The following IL1RAPL1 variants were observed in gnomAD, a reference collection of about 807,000 sequenced individuals.
IL1RAPL1 encodes interleukin-1 receptor accessory protein-like 1.
In IL1RAPL1, 3 loss-of-function variants were observed where a neutral mutation model predicts 48.4. That is an observed-to-expected ratio of 0.06 (90% CI 0.03 to 0.16). The LOEUF (loss-of-function observed/expected upper bound fraction) is 0.16. Ranked by LOEUF, IL1RAPL1 falls within the 10% of genes least tolerant of loss-of-function variation. IL1RAPL1 has a pLI of 1.00. For synonymous variants in IL1RAPL1, 185 were observed against 187.7 expected, an observed-to-expected ratio of 0.99 and a Z score of 0.12; for missense variants, 349 against 530.6, an observed-to-expected ratio of 0.66 and a Z score of 3.36.
At chrX:29,901,367 A>G (rs1456120608) in intron 6 of IL1RAPL1, among the ~76,000 whole-genome samples, 5 of 112,027 alleles carry the variant, frequency 4.5e-5, no homozygotes, top group Non-Finnish European at 9.4e-5. Context: ...CTCAAGAGGT[A>G]TCAGCCAGGG....
rs926343804 is a variant in IL1RAPL1, at chrX:28,764,167, T to C, written c.-24-25153T>C. The stretch of plus-strand genomic sequence containing the variant: ...TAGAGTTAATGGGAAGAAAGAAAAA[T>C]AATTATTTAATATAAATAACAAATA... On this transcript the variant is annotated intron_variant, in intron 1 of 10. Coordinates refer to ENST00000378993, the MANE Select transcript of IL1RAPL1 (RefSeq NM_014271.4). Among the ~76,000 whole-genome samples, 4 of 111,407 alleles carry C rather than the reference T, an allele frequency of 3.6e-5. No individual in the cohort carries two copies. In the Admixed American group the frequency reaches 3.8e-4, roughly 11 times the overall value.
Position 29,529,599 on chromosome X carries a change from C to CAA in IL1RAPL1, c.703+130306_703+130307dup, listed in dbSNP as rs59465203. 3.1e-3 allele frequency among the ~76,000 whole-genome samples: 237 copies of CAA among 77,525 alleles called. 2 individuals are homozygous for CAA. Among genetic ancestry groups the CAA allele is most frequent in the Non-Finnish European group, 4.4e-3 (174 of 39,395 alleles). 67.3% of individuals were successfully genotyped at this position (77,525 alleles called of 115,157 possible). A position where few individuals can be genotyped will look rare whatever the true frequency, so the allele number is the denominator to read the frequency against. On this transcript the variant is annotated intron_variant, in intron 5 of 10. Coordinates refer to ENST00000378993, the MANE Select transcript of IL1RAPL1 (RefSeq NM_014271.4). ...CCTGGGAGACAGAGTGCCTCTGTCT[C>CAA]AAAAAAAAAAAAAAAACCCAACAAC...
At chrX:29,529,949 C>A (rs5971554) in intron 5 of IL1RAPL1, among the ~76,000 whole-genome samples, 45,234 of 110,046 alleles carry the variant, frequency 0.41, 6,871 homozygotes, top group East Asian at 0.72. Context: ...AAATAAAAAT[C>A]AAATTAACAA....
At chrX:29,461,423 A>G (rs1330146841) in intron 5 of IL1RAPL1, among the ~76,000 whole-genome samples, 2 of 111,977 alleles carry the variant, frequency 1.8e-5, no homozygotes, top group African/African-American at 6.5e-5. Flanking sequence ...ACGTAACTAT[A>G]AATACACTAT....
At chrX:28,659,601 G>T in intron 1 of IL1RAPL1, 1 of 398,530 alleles carries the variant, frequency 2.5e-6, no homozygotes, top group Non-Finnish European at 4.5e-6. Flanking sequence ...GCGGTGGCGC[G>T]GCGGCGGCTG....
At position 29,007,810 on chromosome X, in the gene IL1RAPL1, A is replaced by T. The variant is rs1926018988; in HGVS notation, c.82+218385A>T. Among the ~76,000 whole-genome samples the T allele has an allele frequency of 4.5e-5, 5 of 111,905 alleles. No individual in the cohort carries two copies. The South Asian group carries it at 1.5e-3, about 33-fold the overall frequency. On this transcript the variant is annotated intron_variant, in intron 2 of 10. Coordinates refer to ENST00000378993, the MANE Select transcript of IL1RAPL1 (RefSeq NM_014271.4). ...TTATGAATATTTACCTATCATTATC[A>T]TCTTTTAAAATGTCTACTCACTAGA...
intron 2 of IL1RAPL1, among the ~76,000 whole-genome samples, chrX:28,933,213 A>G (rs1453938689): frequency 2.7e-5 from 3 of 111,024 alleles, no homozygotes; most frequent in Non-Finnish European, 3.8e-5. Flanking sequence ...TTTAATTTTC[A>G]TTGGTTTGCT....
chrX:29,382,438 T>G (rs1193484093), intron 3 of IL1RAPL1, among the ~76,000 whole-genome samples: 1 of 111,957 alleles, frequency 8.9e-6, no homozygotes, highest in Non-Finnish European at 1.9e-5. Flanking sequence ...TGTTGACAGC[T>G]GACTGTTGCA....
chrX:29,952,906 C>T (rs889954260), intron 9 of IL1RAPL1, among the ~76,000 whole-genome samples: 1 of 111,708 alleles, frequency 9.0e-6, no homozygotes, highest in Non-Finnish European at 1.9e-5. Flanking sequence ...CCTGTGTTAA[C>T]TTTACATGTA....
chrX:28,708,592 T>C (rs1353594403), intron 1 of IL1RAPL1, among the ~76,000 whole-genome samples: 1 of 111,928 alleles, frequency 8.9e-6, no homozygotes. Context: ...GAAAATGTGG[T>C]ATATATACAC....
chrX:29,544,342 G>A lies in IL1RAPL1; in HGVS notation c.704-124088G>A, dbSNP rs147135784. On this transcript the variant is annotated intron_variant, in intron 5 of 10. Coordinates refer to ENST00000378993, the MANE Select transcript of IL1RAPL1 (RefSeq NM_014271.4). The stretch of plus-strand genomic sequence containing the variant: ...CGACTTATTCATGTTGATTGGATTC[G>A]TAAACGATCAAAAGTTGCTCAGTGC... 7.3e-4 allele frequency among the ~76,000 whole-genome samples: 82 copies of A among 112,072 alleles called. No homozygotes were observed. In the East Asian group the frequency reaches 0.02, roughly 28 times the overall value.
At chrX:29,859,642 A>C (rs2147202916) in intron 6 of IL1RAPL1, among the ~76,000 whole-genome samples, 1 of 112,460 alleles carries the variant, frequency 8.9e-6, no homozygotes, top group African/African-American at 3.2e-5. Flanking sequence ...AAATGTGTTA[A>C]AAATTACTGA....
chrX:28,963,992 A>G (rs1000948822), intron 2 of IL1RAPL1, among the ~76,000 whole-genome samples: 2 of 111,350 alleles, frequency 1.8e-5, no homozygotes, highest in Non-Finnish European at 3.8e-5. Flanking sequence ...ATTATACTCT[A>G]TATTGTTTTC....
At chrX:29,612,421 A>C (rs1328631357) in intron 5 of IL1RAPL1, among the ~76,000 whole-genome samples, 2 of 111,171 alleles carry the variant, frequency 1.8e-5, no homozygotes, top group African/African-American at 6.5e-5. Context: ...ATTAAAAAAA[A>C]AAAAGGATAT....
chrX:28,974,454 T>C (rs1051556787), intron 2 of IL1RAPL1, among the ~76,000 whole-genome samples: 1 of 111,952 alleles, frequency 8.9e-6, no homozygotes. Context: ...ATTCTTGAAG[T>C]TTTGACAGAG....
At chrX:29,106,449 A>AT (rs112863598) in intron 2 of IL1RAPL1, among the ~76,000 whole-genome samples, 1,593 of 111,417 alleles carry the variant, frequency 0.014, 34 homozygotes, top group African/African-American at 0.049. Context: ...AAAAAAAATT[A>AT]TTTTTTCTAA....
chrX:28,983,888 A>G (rs750324519), intron 2 of IL1RAPL1, among the ~76,000 whole-genome samples: 4 of 112,159 alleles, frequency 3.6e-5, no homozygotes, highest in Admixed American at 9.5e-5. Context: ...ATAAGTACAA[A>G]CAACTCTGAG....
At chrX:29,391,857 C>T (rs1933857976) in intron 3 of IL1RAPL1, among the ~76,000 whole-genome samples, 1 of 111,787 alleles carries the variant, frequency 8.9e-6, no homozygotes, top group Non-Finnish European at 1.9e-5. Context: ...TGAGTTCTAA[C>T]CCCATTTCTA....
At chrX:29,580,518 T>C (rs1044928887) in intron 5 of IL1RAPL1, among the ~76,000 whole-genome samples, 2 of 111,919 alleles carry the variant, frequency 1.8e-5, no homozygotes, top group African/African-American at 3.2e-5. Context: ...ATATTATTGC[T>C]GCATAATAAA....
Sources: allele counts gnomAD v4.1 joint callset (sites outside exome capture counted in the v4.1 genomes callset), GRCh38; gene constraint gnomAD v4.1.1; transcripts MANE v1.5; gene names NCBI Gene and HGNC (gene_info 2026-07-23, HGNC 2026-07-21).